FAF1: variants seen among roughly 807,000 people sequenced by gnomAD.
The protein encoded by FAF1 is Fas associated factor 1.
FAF1 carries 25 observed loss-of-function variants against 92.5 expected under a neutral mutation model. The ratio of observed to expected loss-of-function variants is 0.27; its 90% CI spans 0.20 to 0.38. The LOEUF is 0.38. Ranked by LOEUF, FAF1 falls within the 10% of genes least tolerant of loss-of-function variation. The pLI is 1.00. For synonymous variants in FAF1, 234 were observed against 273.2 expected, an observed-to-expected ratio of 0.86 and a Z score of 1.42; for missense variants, 636 against 793.3, an observed-to-expected ratio of 0.80 and a Z score of 2.38.
chr1:50,798,886 C>T (rs1007136941), intron 3 of FAF1, among the ~76,000 whole-genome samples: 3 of 152,050 alleles, frequency 2.0e-5, no homozygotes, highest in Admixed American at 6.6e-5. Flanking sequence ...TTTTTCTGTT[C>T]GTGTTTTTTT....
chr1:50,467,125 T>C (rs904354686), intron 18 of FAF1, among the ~76,000 whole-genome samples: 2 of 152,138 alleles, frequency 1.3e-5, no homozygotes, highest in South Asian at 2.1e-4. Context: ...CCATGACTTA[T>C]TCCTTGGCAC....
In FAF1 at chr1:50,667,248, T is replaced by C. The variant is rs191434840; in HGVS notation, c.658-11720A>G. Among the ~76,000 whole-genome samples the C allele has an allele frequency of 2.6e-4, 39 of 152,352 alleles. 1 individual carries two copies. Among genetic ancestry groups the C allele is most frequent in the African/African-American group, 8.7e-4 (36 of 41,584 alleles). ...AGAGTTACCAAGGCTCTTCCTCTTA[T>C]ACACTTTTGGCCAATGCCTTCTGAG... On this transcript the variant is annotated intron_variant, in intron 7 of 18. Transcript: ENST00000396153.
rs1249961048 is a variant in FAF1 at position 50,501,289 on chromosome 1, GCTGT to G, written c.1495-9492_1495-9489del. On this transcript the variant is annotated intron_variant, in intron 15 of 18. Coordinates refer to ENST00000396153, the MANE Select transcript of FAF1 (RefSeq NM_007051.3). The stretch of plus-strand genomic sequence containing the variant: ...CAAATAAGCATGTCGAAAAATAAAT[GCTGT>G]CTCATTAATCGTCAAGAAAATGCAA... 2.6e-5 allele frequency among the ~76,000 whole-genome samples: 4 copies of G among 152,292 alleles called. No individual in the cohort carries two copies. The South Asian group carries it at 8.3e-4, about 32-fold the overall frequency.
chr1:50,942,256 T>C (rs1645139768), intron 1 of FAF1, among the ~76,000 whole-genome samples: 1 of 152,190 alleles, frequency 6.6e-6, no homozygotes, highest in Non-Finnish European at 1.5e-5. Context: ...ATGCCAATAC[T>C]TTGGGAGGCC....
intron 1 of FAF1, among the ~76,000 whole-genome samples, chr1:50,949,818 G>A (rs1170655516): frequency 6.6e-6 from 1 of 152,018 alleles, no homozygotes; most frequent in African/African-American, 2.4e-5. Context: ...GCCTGACCTA[G>A]TCCAGTCTTC....
At chr1:50,602,529 G>T (rs1277435597) in intron 8 of FAF1, among the ~76,000 whole-genome samples, 2 of 143,742 alleles carry the variant, frequency 1.4e-5, no homozygotes, top group African/African-American at 5.2e-5. Context: ...TTGAGACAGA[G>T]TCTCACTCTG....
chr1:50,611,921 G>C (rs1652704142), intron 8 of FAF1, among the ~76,000 whole-genome samples: 1 of 152,166 alleles, frequency 6.6e-6, no homozygotes, highest in Non-Finnish European at 1.5e-5. Flanking sequence ...GAAACAGAAA[G>C]TGTTAAACAC....
chr1:50,744,195 T>G (rs1284699588), intron 5 of FAF1, among the ~76,000 whole-genome samples: 2 of 152,228 alleles, frequency 1.3e-5, no homozygotes, highest in African/African-American at 4.8e-5. Context: ...TCCATGCACC[T>G]GCCACTATCC....
At chr1:50,884,441 T>C (rs1463522088) in intron 1 of FAF1, among the ~76,000 whole-genome samples, 1 of 151,026 alleles carries the variant, frequency 6.6e-6, no homozygotes, top group Non-Finnish European at 1.5e-5. Context: ...GGCAGGAGAA[T>C]CGCTTGAACC....
intron 18 of FAF1, among the ~76,000 whole-genome samples, chr1:50,454,736 C>G (rs143995695): frequency 6.6e-6 from 1 of 152,322 alleles, no homozygotes; most frequent in African/African-American, 2.4e-5. Flanking sequence ...TTTGACCAGG[C>G]AAGAGATCCT....
chr1:50,763,130 C>T (rs1322927335), intron 4 of FAF1, among the ~76,000 whole-genome samples: 3 of 151,954 alleles, frequency 2.0e-5, no homozygotes, highest in African/African-American at 4.8e-5. Context: ...TGGTGGCATG[C>T]GTCTGTAGTC....
chr1:50,444,099 C>T (rs1646200899), intron 18 of FAF1, among the ~76,000 whole-genome samples: 2 of 152,154 alleles, frequency 1.3e-5, no homozygotes, highest in African/African-American at 4.8e-5. Context: ...TCAAAGTGAG[C>T]AAGGACAATC....
chr1:50,768,020 A>C (rs1241787732), intron 4 of FAF1, among the ~76,000 whole-genome samples: 1 of 152,242 alleles, frequency 6.6e-6, no homozygotes, highest in East Asian at 1.9e-4. Flanking sequence ...ATACAGAAGA[A>C]AGACCCAACT....
chr1:50,907,240 G>A (rs1305764095), intron 1 of FAF1, among the ~76,000 whole-genome samples: 2 of 152,150 alleles, frequency 1.3e-5, no homozygotes, highest in East Asian at 3.8e-4. Flanking sequence ...CAACTTGATC[G>A]TGGTGTATAA....
chr1:50,846,442 C>T lies in FAF1; in HGVS notation c.114+11487G>A, dbSNP rs562566770. ...CGCGTCCTGGGAACCAGCTCGCTTC[C>T]GAGCCGCACGCATCGAGCCTCCAGG... On this transcript the variant is annotated intron_variant, in intron 2 of 18. Transcript: ENST00000396153. 16 of 414,310 alleles carry T rather than the reference C, an allele frequency of 3.9e-5. No homozygotes were observed. In the East Asian group the frequency reaches 1.0e-3, roughly 26 times the overall value. 25.7% of individuals were successfully genotyped at this position (414,310 alleles called of 1,614,324 possible).
intron 15 of FAF1, among the ~76,000 whole-genome samples, chr1:50,518,896 G>A (rs1647341585): frequency 6.6e-6 from 1 of 152,184 alleles, no homozygotes; most frequent in Non-Finnish European, 1.5e-5. Context: ...TGACGGCAGT[G>A]AATAATAGCT....
chr1:50,532,086 A>G (rs1308719534), intron 15 of FAF1, among the ~76,000 whole-genome samples: 1 of 152,208 alleles, frequency 6.6e-6, no homozygotes, highest in African/African-American at 2.4e-5. Context: ...TGGTCTATGT[A>G]TAGTCCAAAA....
At chr1:50,517,833 A>T (rs996031382) in intron 15 of FAF1, among the ~76,000 whole-genome samples, 30 of 152,338 alleles carry the variant, frequency 2.0e-4, no homozygotes, top group African/African-American at 7.2e-4. Context: ...CAAATGGCCT[A>T]GTCTTATGCC....
At chr1:50,880,302 G>T (rs1046440189) in intron 1 of FAF1, among the ~76,000 whole-genome samples, 1 of 152,154 alleles carries the variant, frequency 6.6e-6, no homozygotes, top group African/African-American at 2.4e-5. Flanking sequence ...TATCACAAAA[G>T]AAGTGGGGGT....
Sources: allele counts gnomAD v4.1 joint callset (sites outside exome capture counted in the v4.1 genomes callset), GRCh38; gene constraint gnomAD v4.1.1; transcripts MANE v1.5; gene names NCBI Gene and HGNC (gene_info 2026-07-23, HGNC 2026-07-21).